Variants in OXR1 observed in about 807,000 individuals in gnomAD.
OXR1 encodes oxidation resistance protein 1.
A neutral mutation model predicts 104.6 loss-of-function variants in OXR1; 41 were observed. The observed-to-expected ratio is 0.39, with a 90% CI of 0.31 to 0.51. The LOEUF is 0.51. OXR1 is among the 20% of genes least tolerant of loss of function. OXR1 has a pLI of 0.77. For missense variants in OXR1, 955 were observed against 1,031.9 expected, an observed-to-expected ratio of 0.93 and a Z score of 1.02; for synonymous variants, 348 against 348.4, an observed-to-expected ratio of 1.00 and a Z score of 0.01.
chr8:106,459,691 A>G (rs1235973613), intron 2 of OXR1, among the ~76,000 whole-genome samples: 2 of 152,214 alleles, frequency 1.3e-5, no homozygotes, highest in African/African-American at 4.8e-5. Flanking sequence ...CTAAATCTTG[A>G]AAAGCCCAGG....
chr8:106,547,712 C>T (rs763448234), intron 3 of OXR1, among the ~76,000 whole-genome samples: 1 of 152,016 alleles, frequency 6.6e-6, no homozygotes, highest in South Asian at 2.1e-4. Context: ...AGGCTGGTCT[C>T]GAACTACTGA....
intron 2 of OXR1, among the ~76,000 whole-genome samples, chr8:106,412,651 A>G (rs1335862702): frequency 6.6e-6 from 1 of 152,166 alleles, no homozygotes; most frequent in African/African-American, 2.4e-5. Context: ...ATTCTCAAAT[A>G]AAATTATGTT....
chr8:106,408,718 G>A (rs1056298759), intron 2 of OXR1, among the ~76,000 whole-genome samples: 1 of 152,112 alleles, frequency 6.6e-6, no homozygotes, highest in East Asian at 1.9e-4. Context: ...CGTGACTGCC[G>A]GATCTGTCCT....
intron 1 of OXR1, among the ~76,000 whole-genome samples, chr8:106,290,735 C>G (rs1372170604): frequency 6.6e-6 from 1 of 152,038 alleles, no homozygotes; most frequent in East Asian, 1.9e-4. Flanking sequence ...ATAATCAAAA[C>G]CACAATAAGA....
At chr8:106,735,740 G>GT (rs766042243) in intron 11 of OXR1, among the ~76,000 whole-genome samples, 15 of 152,070 alleles carry the variant, frequency 9.9e-5, no homozygotes, top group African/African-American at 3.1e-4. Context: ...AGCCCATGAT[G>GT]TTTTTTATTT....
intron 2 of OXR1, among the ~76,000 whole-genome samples, chr8:106,453,408 T>C (rs1231092154): frequency 6.6e-6 from 1 of 152,222 alleles, no homozygotes; most frequent in Non-Finnish European, 1.5e-5. Context: ...TTTCCATCAA[T>C]GTGAAGGCAG....
chr8:106,404,895 C>A (rs143109207), intron 2 of OXR1, among the ~76,000 whole-genome samples: 1 of 151,730 alleles, frequency 6.6e-6, no homozygotes, highest in African/African-American at 2.4e-5. Flanking sequence ...TTAGTAGAGA[C>A]GGGGTTTCAC....
chr8:106,601,389 C>G (rs1167971112), intron 3 of OXR1, among the ~76,000 whole-genome samples: 1 of 152,088 alleles, frequency 6.6e-6, no homozygotes, highest in Non-Finnish European at 1.5e-5. Context: ...CTGGAAAGCC[C>G]AAGACTGAGG....
chr8:106,621,323 T>C (rs1821679794), intron 3 of OXR1, among the ~76,000 whole-genome samples: 1 of 152,326 alleles, frequency 6.6e-6, no homozygotes, highest in South Asian at 2.1e-4. Flanking sequence ...TGGTTGTGCA[T>C]GCCTGTAGTC....
chr8:106,459,893 C>T lies in OXR1; in HGVS notation c.24-59050C>T, dbSNP rs2130644380. ...GTTAACTCTCATTTTTCATCAGGTG[C>T]CACAAGCCAGCACATGTTACAATCA... On this transcript the variant is annotated intron_variant, in intron 2 of 16. Transcript: ENST00000517566. 1.3e-5 allele frequency among the ~76,000 whole-genome samples: 2 copies of T among 152,286 alleles called. 1 individual carries two copies. Among genetic ancestry groups the T allele is most frequent in the Non-Finnish European group, 2.9e-5 (2 of 68,030 alleles).
intron 3 of OXR1, among the ~76,000 whole-genome samples, chr8:106,555,429 G>T (rs1247831661): frequency 3.9e-5 from 6 of 152,072 alleles, no homozygotes; most frequent in African/African-American, 1.4e-4. Context: ...AGAAAAGTTT[G>T]GGAAGTATTA....
intron 2 of OXR1, among the ~76,000 whole-genome samples, chr8:106,499,577 A>T (rs1454836422): frequency 1.3e-5 from 2 of 152,318 alleles, no homozygotes; most frequent in East Asian, 3.9e-4. Flanking sequence ...TGATGAAAAC[A>T]CACAACAGAC....
At chr8:106,440,002 T>C (rs1819721211) in intron 2 of OXR1, among the ~76,000 whole-genome samples, 1 of 152,122 alleles carries the variant, frequency 6.6e-6, no homozygotes, top group African/African-American at 2.4e-5. Context: ...CTGTGGCTGA[T>C]ATTCGGAGGC....
chr8:106,452,952 T>G (rs1820403739), intron 2 of OXR1, among the ~76,000 whole-genome samples: 1 of 152,022 alleles, frequency 6.6e-6, no homozygotes, highest in African/African-American at 2.4e-5. Flanking sequence ...CCACTATTGA[T>G]AGGCATCTTG....
chr8:106,676,043 CT>C (rs1189395663), intron 3 of OXR1, among the ~76,000 whole-genome samples: 3 of 152,078 alleles, frequency 2.0e-5, no homozygotes, highest in African/African-American at 7.2e-5. Flanking sequence ...ATGTAATGCC[CT>C]TCTTTGTCTT....
At chr8:106,726,333 AT>A in intron 11 of OXR1, 1 of 1,223,524 alleles carries the variant, frequency 8.2e-7, no homozygotes, top group Non-Finnish European at 1.1e-6. Context: ...AATTATTTTA[AT>A]TTGTATATAT....
chr8:106,327,422 A>G (rs748952251), intron 1 of OXR1, among the ~76,000 whole-genome samples: 7 of 152,182 alleles, frequency 4.6e-5, no homozygotes, highest in Non-Finnish European at 7.4e-5. Context: ...ATTATCTACC[A>G]TGCTAATTTC....
intron 3 of OXR1, among the ~76,000 whole-genome samples, chr8:106,677,059 G>A (rs756486012): frequency 5.3e-5 from 8 of 151,974 alleles, no homozygotes; most frequent in Admixed American, 1.3e-4. Flanking sequence ...AACACAGATC[G>A]AAAAGCTATT....
chr8:106,519,033 GC>G lies in OXR1; in HGVS notation c.119del (p.Pro40ArgfsTer28), dbSNP rs1270853366. ...GAAAGCAAACACCACAAGCCAGTAAGCCCCCGGCACCCAAGACCCCCATCAT... is the reference window on the plus strand; with the variant it reads ...GAAAGCAAACACCACAAGCCAGTAAGCCCCGGCACCCAAGACCCCCATCAT... ...AGKQTPQASK[P>X]PAPKTPIIEE... On this transcript the variant is annotated frameshift_variant, in exon 3 of 17. Transcript: ENST00000517566. LOFTEE classifies it high-confidence loss of function. The G allele has an allele frequency of 6.4e-7, 1 of 1,551,904 alleles. No homozygotes were observed. The highest frequency in any genetic ancestry group is 8.7e-7 in the Non-Finnish European group (1 of 1,146,968).
Sources: allele counts gnomAD v4.1 joint callset (sites outside exome capture counted in the v4.1 genomes callset), GRCh38; gene constraint gnomAD v4.1.1; transcripts MANE v1.5; gene names NCBI Gene and HGNC (gene_info 2026-07-23, HGNC 2026-07-21).